The following ANKS1B variants were observed in gnomAD, a reference collection of about 807,000 sequenced individuals.
ANKS1B encodes the protein ankyrin repeat and sterile alpha motif domain containing 1B.
ANKS1B carries 36 observed loss-of-function variants against 148.3 expected under a neutral mutation model. That is an observed-to-expected ratio of 0.24 (90% confidence interval 0.19 to 0.32). The LOEUF (loss-of-function observed/expected upper bound fraction) is 0.32. Ranked by LOEUF, ANKS1B falls within the 10% of genes least tolerant of loss-of-function variation. The pLI is 1.00. For synonymous variants in ANKS1B, 542 were observed against 560.8 expected, an observed-to-expected ratio of 0.97 and a Z score of 0.47; for missense variants, 1,157 against 1,542.6, an observed-to-expected ratio of 0.75 and a Z score of 4.19.
intron 17 of ANKS1B, among the ~76,000 whole-genome samples, chr12:98,894,449 C>T (rs973023998): frequency 8.5e-5 from 13 of 152,198 alleles, no homozygotes; most frequent in Non-Finnish European, 1.8e-4. Flanking sequence ...CCCTCCCGCC[C>T]CCTCCGTAGA....
chr12:99,848,927 C>A (rs4764920), intron 1 of ANKS1B, among the ~76,000 whole-genome samples: 29,758 of 152,016 alleles, frequency 0.2, 3,192 homozygotes, highest in Non-Finnish European at 0.25. Flanking sequence ...CTATCATAAG[C>A]AAACTAACAC....
At chr12:99,223,764 C>T (rs1289964700) in intron 14 of ANKS1B, among the ~76,000 whole-genome samples, 1 of 152,034 alleles carries the variant, frequency 6.6e-6, no homozygotes, top group Non-Finnish European at 1.5e-5. Context: ...TGCCTTCAGG[C>T]TTTCCACACT....
At chr12:99,505,267 C>T (rs901375315) in intron 9 of ANKS1B, among the ~76,000 whole-genome samples, 10 of 152,074 alleles carry the variant, frequency 6.6e-5, no homozygotes, top group African/African-American at 2.4e-4. Context: ...TTGATCATAT[C>T]ATTGAGCTGC....
chr12:98,781,082 C>G lies in ANKS1B; in HGVS notation c.3441+35G>C, dbSNP rs368062296. 1.1e-5 allele frequency: 14 copies of G among 1,318,636 alleles called. No homozygotes were observed. In the African/African-American group the frequency reaches 1.6e-4, roughly 15 times the overall value. 81.7% of individuals were successfully genotyped at this position (1,318,636 alleles called of 1,614,324 possible). ...TTAGATCATACACTCAGGACTGCAT[C>G]TGGTGTCTAAACCAGAGAGAGGAGT... On this transcript the variant is annotated intron_variant, in intron 24 of 26. Transcript: ENST00000683438.
chr12:99,184,985 T>C (rs2079622183), intron 14 of ANKS1B, among the ~76,000 whole-genome samples: 2 of 152,178 alleles, frequency 1.3e-5, no homozygotes, highest in African/African-American at 4.8e-5. Context: ...TTAAAGACAA[T>C]TCATCAAATA....
At chr12:99,696,078 C>A (rs571039848) in intron 8 of ANKS1B, among the ~76,000 whole-genome samples, 3 of 151,830 alleles carry the variant, frequency 2.0e-5, no homozygotes, top group Non-Finnish European at 4.4e-5. Flanking sequence ...CACATGTACC[C>A]CTTGAATCTA....
In ANKS1B at chr12:99,935,598, C is replaced by T. The variant is rs544563752; in HGVS notation, c.134+48506G>A. Among the ~76,000 whole-genome samples, 113 of 152,220 alleles carry T rather than the reference C, an allele frequency of 7.4e-4. 1 individual carries two copies. Among genetic ancestry groups the T allele is most frequent in the African/African-American group, 2.4e-3 (99 of 41,542 alleles). On this transcript the variant is annotated intron_variant, in intron 1 of 26. Transcript: ENST00000683438. ...AGACAGACACTCACCCATTTTCTTG[C>T]TGTCAGTCAGGAGCCACTCTCAACT...
At chr12:98,785,506 G>T (rs957868889) in intron 22 of ANKS1B, among the ~76,000 whole-genome samples, 4 of 152,054 alleles carry the variant, frequency 2.6e-5, no homozygotes, top group African/African-American at 9.7e-5. Context: ...AAAAGGCAAA[G>T]ATCAAAGTTA....
At chr12:99,826,674 C>A (rs4764747) in intron 1 of ANKS1B, among the ~76,000 whole-genome samples, 94,468 of 152,048 alleles carry the variant, frequency 0.62, 30,957 homozygotes, top group African/African-American at 0.78. Context: ...AATCTTAAGT[C>A]TCTGACTTAC....
intron 14 of ANKS1B, among the ~76,000 whole-genome samples, chr12:99,163,008 A>G (rs1264400556): frequency 6.6e-6 from 1 of 152,122 alleles, no homozygotes; most frequent in Non-Finnish European, 1.5e-5. Flanking sequence ...CAGTGAGCCA[A>G]GATTGTGCCA....
chr12:99,790,019 G>A (rs560295021), intron 4 of ANKS1B, among the ~76,000 whole-genome samples: 1 of 152,200 alleles, frequency 6.6e-6, no homozygotes, highest in African/African-American at 2.4e-5. Context: ...GAAGGTTATA[G>A]AGCACCAAGC....
At chr12:99,586,591 T>G (rs2097643372) in intron 9 of ANKS1B, among the ~76,000 whole-genome samples, 1 of 152,192 alleles carries the variant, frequency 6.6e-6, no homozygotes, top group South Asian at 2.1e-4. Context: ...TGAGTATCTT[T>G]ACGGCAGCAT....
intron 4 of ANKS1B, among the ~76,000 whole-genome samples, chr12:99,795,268 T>C (rs910841989): frequency 6.6e-6 from 1 of 151,606 alleles, no homozygotes; most frequent in Non-Finnish European, 1.5e-5. Context: ...TTTAAGACAC[T>C]CTGAGGGAAA....
chr12:99,079,749 C>T (rs1340509172), intron 16 of ANKS1B: 1 of 152,222 alleles, frequency 6.6e-6, no homozygotes, highest in Non-Finnish European at 1.5e-5. Context: ...GCTTGCCTTG[C>T]AAGAAGACAG....
At chr12:99,225,759 T>G (rs1176586325) in intron 14 of ANKS1B, among the ~76,000 whole-genome samples, 1 of 152,224 alleles carries the variant, frequency 6.6e-6, no homozygotes, top group Non-Finnish European at 1.5e-5. Context: ...TCTTGGGCCT[T>G]CGGCCACAGA....
At chr12:99,031,062 C>CCTTT (rs2099951801) in intron 17 of ANKS1B, among the ~76,000 whole-genome samples, 2 of 152,076 alleles carry the variant, frequency 1.3e-5, no homozygotes, top group South Asian at 4.1e-4. Context: ...CTGTTTTGAC[C>CCTTT]CTTTAAAAGG....
intron 9 of ANKS1B, among the ~76,000 whole-genome samples, chr12:99,542,650 C>T (rs1044521893): frequency 2.0e-5 from 3 of 152,052 alleles, no homozygotes; most frequent in Non-Finnish European, 2.9e-5. Flanking sequence ...AGGAGTCACT[C>T]TTCCCAATTT....
At chr12:99,565,782 T>C (rs995687831) in intron 9 of ANKS1B, among the ~76,000 whole-genome samples, 1 of 152,218 alleles carries the variant, frequency 6.6e-6, no homozygotes, top group African/African-American at 2.4e-5. Flanking sequence ...GTGTTTCTGC[T>C]TCAATAAATT....
chr12:98,987,618 G>C (rs1033643265), intron 17 of ANKS1B, among the ~76,000 whole-genome samples: 1 of 152,094 alleles, frequency 6.6e-6, no homozygotes, highest in Non-Finnish European at 1.5e-5. Flanking sequence ...AGATAGCAGG[G>C]AGTTATAATG....
Sources: gnomAD v4.1 joint callset for allele counts (sites outside exome capture counted in the v4.1 genomes callset) on GRCh38, gnomAD v4.1.1 for gene constraint, MANE v1.5 for transcripts, NCBI Gene and HGNC (gene_info 2026-07-23, HGNC 2026-07-21) for gene names.